BIRC6: variants seen among roughly 807,000 people sequenced by gnomAD.
BIRC6 encodes dual E2 ubiquitin-conjugating enzyme/E3 ubiquitin-protein ligase BIRC6.
In BIRC6, 98 loss-of-function variants were observed where a neutral mutation model predicts 503.3. The observed-to-expected ratio is 0.19, with a 90% CI of 0.17 to 0.23. The LOEUF is 0.23. BIRC6 is among the 10% of genes least tolerant of loss of function. The probability of loss-of-function intolerance (pLI) is 1.00; values close to 1 mark genes in which losing one functional copy is unlikely to be tolerated. For synonymous variants in BIRC6, 2,240 were observed against 2,078.7 expected (o/e 1.08, Z -2.11); for missense variants, 5,360 against 5,806.0 (o/e 0.92, Z 2.50).
chr2:32,377,213 A>ATGTGTGTGTGTG (rs59912267), intron 1 of BIRC6, among the ~76,000 whole-genome samples: 505 of 144,244 alleles, frequency 3.5e-3, no homozygotes, highest in African/African-American at 0.011. Flanking sequence ...CTTAATATAT[A>ATGTGTGTGTGTG]TGTGTGTGTG....
At chr2:32,509,317 C>T (rs1299407221) in intron 51 of BIRC6, among the ~76,000 whole-genome samples, 1 of 152,082 alleles carries the variant, frequency 6.6e-6, no homozygotes, top group Non-Finnish European at 1.5e-5. Context: ...TGCAGTGGTG[C>T]AGTCTAGACT....
chr2:32,442,127 G>C lies in BIRC6; in HGVS notation c.4007G>C (p.Cys1336Ser), dbSNP rs957632761. ...EFHEKLLNTL[C>S]RKTDDGQITE... ...CATGAGAAGCTTCTTAATACTCTTT[G>C]CAGAAAAACAGATGATGGCCAGATC... Residue 1336 changes from cysteine (C) to serine (S), a missense_variant, in exon 18 of 74, where the codon TGC becomes TCC. By Grantham distance (112) the Cys-to-Ser change is moderately radical. Transcript: ENST00000421745. The C allele has an allele frequency of 1.2e-6, 2 of 1,610,252 alleles. No individual in the cohort carries two copies. The highest frequency in any genetic ancestry group is 1.7e-6 in the Non-Finnish European group (2 of 1,178,924).
chr2:32,604,311 A>G (rs541667417), intron 71 of BIRC6, among the ~76,000 whole-genome samples: 1 of 152,278 alleles, frequency 6.6e-6, no homozygotes, highest in South Asian at 2.1e-4. Flanking sequence ...TTTTTAAAAG[A>G]GGAAATCCTT....
chr2:32,605,326 T>A (rs1216478019), intron 71 of BIRC6, among the ~76,000 whole-genome samples: 3 of 152,234 alleles, frequency 2.0e-5, no homozygotes, highest in Non-Finnish European at 4.4e-5. Context: ...TAAAGTAATT[T>A]TTAAATTGTT....
chr2:32,425,858 A>G (rs2043430883), intron 10 of BIRC6, among the ~76,000 whole-genome samples: 1 of 152,168 alleles, frequency 6.6e-6, no homozygotes, highest in South Asian at 2.1e-4. Context: ...TTGGGAAGAG[A>G]AGGTCCCTCC....
chr2:32,591,845 G>T (rs1490542772), intron 66 of BIRC6, among the ~76,000 whole-genome samples: 2 of 152,138 alleles, frequency 1.3e-5, no homozygotes, highest in African/African-American at 4.8e-5. Context: ...CAACTGGGGA[G>T]TAAGAGTCTT....
chr2:32,383,694 G>T (rs2038027794), intron 3 of BIRC6, among the ~76,000 whole-genome samples: 1 of 152,070 alleles, frequency 6.6e-6, no homozygotes, highest in Non-Finnish European at 1.5e-5. Flanking sequence ...ACCACACCTG[G>T]CTAATTTTTT....
intron 33 of BIRC6, among the ~76,000 whole-genome samples, chr2:32,473,745 GTGTGTATTTT>G (rs1212960042): frequency 7.8e-6 from 1 of 128,342 alleles, no homozygotes; most frequent in African/African-American, 3.0e-5. Context: ...GTGTGTGTGT[GTGTGTATTTT>G]TTTTTTTTTT....
chr2:32,534,228 G>T (rs186184327), intron 61 of BIRC6, among the ~76,000 whole-genome samples: 2 of 151,110 alleles, frequency 1.3e-5, no homozygotes, highest in African/African-American at 4.9e-5. Flanking sequence ...ACAAAAATTA[G>T]CCCGGTGTGG....
intron 66 of BIRC6, chr2:32,590,768 A>G (rs958630700): frequency 2.7e-5 from 27 of 982,142 alleles, no homozygotes; most frequent in Admixed American, 6.1e-5. Context: ...ATTCTGTGCA[A>G]TAGTGGAAAC....
At position 32,478,829 on chromosome 2, in the gene BIRC6, A is replaced by C; in HGVS notation, c.7252+11A>C. 1 of 1,609,272 alleles carries C rather than the reference A, an allele frequency of 6.2e-7. No homozygotes were observed. Among genetic ancestry groups the C allele is most frequent in the Admixed American group, 1.7e-5 (1 of 58,770 alleles). On this transcript the variant is annotated intron_variant, in intron 36 of 73. Coordinates refer to ENST00000421745, the MANE Select transcript of BIRC6 (RefSeq NM_016252.4). ...AAGATATTTTAGCAGGTGTGTTAGG[A>C]TTTTTCTTCATAGAGTATGTCAAAA...
At position 32,357,568 on chromosome 2, in the gene BIRC6, A is replaced by G; in HGVS notation, c.325+82A>G. On this transcript the variant is annotated intron_variant, in intron 1 of 73. Transcript: ENST00000421745. This position sits in a 1 kb window ranked among gnomAD's most constrained non-coding sequence, Gnocchi z 4.9. ...CGGGGCTCGGCCTCGCGACTCGGGG[A>G]AGCGAGATGGCGAGAGGGCAGGGCT... The G allele has an allele frequency of 2.7e-6, 4 of 1,501,204 alleles. No homozygotes were observed. Among genetic ancestry groups the G allele is most frequent in the Non-Finnish European group, 3.5e-6 (4 of 1,130,514 alleles). 93.0% of individuals were successfully genotyped at this position (1,501,204 alleles called of 1,614,324 possible).
intron 4 of BIRC6, among the ~76,000 whole-genome samples, 167 bp from the exon 5 acceptor site, chr2:32,391,872 T>A (rs2039276620): frequency 6.6e-6 from 1 of 152,260 alleles, no homozygotes; most frequent in African/African-American, 2.4e-5. Flanking sequence ...TAAGGGAAAT[T>A]CCCAAAAATT....
intron 59 of BIRC6, chr2:32,527,200 A>G (rs1237775238): frequency 6.6e-6 from 1 of 152,232 alleles, no homozygotes; most frequent in African/African-American, 2.4e-5. Flanking sequence ...ACACAAAAGT[A>G]TGGATCACCA....
In BIRC6 at chr2:32,369,334, C is replaced by T. The variant is rs116686474; in HGVS notation, c.326-8254C>T. On this transcript the variant is annotated intron_variant, in intron 1 of 73. Coordinates refer to ENST00000421745, the MANE Select transcript of BIRC6 (RefSeq NM_016252.4). ...CAAATATGAGCTCTAAATAGAAATT[C>T]GCAAGGGCACATGTTCCAAACCGTA... 5.8e-3 allele frequency among the ~76,000 whole-genome samples: 880 copies of T among 152,040 alleles called. 12 individuals carry two copies. The highest frequency in any genetic ancestry group is 0.019 in the African/African-American group (800 of 41,476).
intron 66 of BIRC6, among the ~76,000 whole-genome samples, chr2:32,588,657 C>T (rs982101410): frequency 6.6e-6 from 1 of 152,168 alleles, no homozygotes; most frequent in South Asian, 2.1e-4. Context: ...AGCAAAAACA[C>T]TCCCCATTTA....
intron 57 of BIRC6, 83 bp from the exon 58 acceptor site, chr2:32,524,798 TATCTTGC>T (rs2056111356): frequency 9.3e-6 from 9 of 964,696 alleles, no homozygotes; most frequent in Non-Finnish European, 1.3e-5. Context: ...AGGATAATAT[TATCTTGC>T]ATAATCTCCC....
chr2:32,593,999 C>T lies in BIRC6; in HGVS notation c.13440C>T (p.Asp4480=). 6.2e-7 allele frequency: 1 copy of T among 1,613,476 alleles called. No individual in the cohort carries two copies. The highest frequency in any genetic ancestry group is 8.5e-7 in the Non-Finnish European group (1 of 1,179,530). Residue 4480 remains aspartate, a synonymous_variant, in exon 67 of 74, where the codon GAC becomes GAT. Transcript: ENST00000421745. ...AAGGACTTACTCTTTTGGTACCAGA[C>T]ATCCAAAAGACTGCTGAGATAGTTT... The part of the protein sequence containing the change: ...EPEGLTLLVP[D]IQKTAEIVYA...
At chr2:32,574,160 C>CTTTTT (rs1055060322) in intron 65 of BIRC6, among the ~76,000 whole-genome samples, 15 of 124,682 alleles carry the variant, frequency 1.2e-4, no homozygotes, top group African/African-American at 1.5e-4. Flanking sequence ...ATAACTTTTT[C>CTTTTT]TTTTTTTTTT....
Sources: gnomAD v4.1 joint callset for allele counts (sites outside exome capture counted in the v4.1 genomes callset) on GRCh38, gnomAD v4.1.1 for gene constraint, Gnocchi (gnomAD v3.1) non-coding constraint, MANE v1.5 for transcripts, NCBI Gene and HGNC (gene_info 2026-07-23, HGNC 2026-07-21) for gene names.